SENP2: variants seen among roughly 807,000 people sequenced by gnomAD.
The protein encoded by SENP2 is SUMO specific peptidase 2.
In SENP2, 16 loss-of-function variants were observed where a neutral mutation model predicts 86.3. The observed-to-expected ratio is 0.19, with a 90% CI of 0.13 to 0.28. SENP2 has a LOEUF of 0.28. Ranked by LOEUF, SENP2 falls within the 10% of genes least tolerant of loss-of-function variation. The pLI, the probability that SENP2 is intolerant of heterozygous loss-of-function variation, is 1.00. For missense variants in SENP2, 552 were observed against 703.0 expected (o/e 0.79, Z 2.43); for synonymous variants, 222 against 238.7 (o/e 0.93, Z 0.64).
At chr3:185,601,574 C>G (rs951716982) in intron 5 of SENP2, among the ~76,000 whole-genome samples, 1 of 151,218 alleles carries the variant, frequency 6.6e-6, no homozygotes, top group Non-Finnish European at 1.5e-5. Flanking sequence ...ATTTTTATTG[C>G]TTGGACATTA....
chr3:185,626,385 T>C lies in SENP2; in HGVS notation c.1699T>C (p.Phe567Leu), dbSNP rs1347719310. ...DYISRDKPIT[F>L]TQHQMPLFRK... ...TATTTCTAGGGACAAACCTATCACA[T>C]TTACTCAGGTGAGTGAAGACCCTCT... Residue 567 changes from phenylalanine to leucine, a missense_variant, in exon 16 of 17, where the codon TTT becomes CTT. This residue lies in a region of SENP2 where 169 missense variants were observed against 275.7 expected (regional missense o/e 0.61). Coordinates refer to ENST00000296257, the MANE Select transcript of SENP2 (RefSeq NM_021627.3). 6.2e-7 allele frequency: 1 copy of C among 1,602,752 alleles called. No homozygotes were observed. The highest frequency in any genetic ancestry group is 8.5e-7 in the Non-Finnish European group (1 of 1,170,208).
chr3:185,592,365 T>C (rs1043317852), intron 2 of SENP2, among the ~76,000 whole-genome samples: 2 of 152,076 alleles, frequency 1.3e-5, no homozygotes, highest in African/African-American at 2.4e-5. Flanking sequence ...GTCTTTTACT[T>C]CAGTATATCT....
In SENP2 at chr3:185,617,627, TC is replaced by T; in HGVS notation, c.1242+21del. 1 of 1,605,774 alleles carries T rather than the reference TC, an allele frequency of 6.2e-7. No homozygotes were observed. Among genetic ancestry groups the T allele is most frequent in the Middle Eastern group, 1.7e-4 (1 of 6,032 alleles). On this transcript the variant is annotated intron_variant, in intron 12 of 16. Transcript: ENST00000296257. ...CAATGATGAAGTAAGTTGTATTCCC[TC>T]CCCCTTTTGGCTATCATTAAGTTTA...
At position 185,600,775 on chromosome 3, in the gene SENP2, T is replaced by C. The variant is rs1320077416; in HGVS notation, c.369T>C (p.Ser123=). The C allele has an allele frequency of 1.9e-6, 3 of 1,597,752 alleles. No individual in the cohort carries two copies. Among genetic ancestry groups the C allele is most frequent in the Non-Finnish European group, 2.6e-6 (3 of 1,165,808 alleles). ...GCATTTTTTAAATAGGTAATAAATC[T>C]CCTAATGGAATAAGTGACTATCCAA... is the stretch of plus-strand genomic sequence containing the variant. ...WNNMLKLGNK[S]PNGISDYPKI... is the part of the protein sequence containing the mutation. Residue 123 remains serine (S), a synonymous_variant, in exon 5 of 17, where the codon TCT becomes TCC. Coordinates refer to ENST00000296257, the MANE Select transcript of SENP2 (RefSeq NM_021627.3).
At chr3:185,592,702 C>G (rs746831917) in intron 2 of SENP2, among the ~76,000 whole-genome samples, 5 of 151,714 alleles carry the variant, frequency 3.3e-5, no homozygotes, top group Admixed American at 6.6e-5. Context: ...CTGCAACCTC[C>G]GCCTCCCAGG....
intron 12 of SENP2, among the ~76,000 whole-genome samples, chr3:185,619,065 G>T (rs1158121340): frequency 6.6e-6 from 1 of 152,094 alleles, no homozygotes; most frequent in Non-Finnish European, 1.5e-5. Flanking sequence ...TTTCTTCCTG[G>T]ATTCCTTCTT....
At position 185,624,026 on chromosome 3, in the gene SENP2, A is replaced by C; in HGVS notation, c.1555A>C (p.Lys519Gln). Reference sequence around the variant, plus strand: ...GTATTTACAGGATGAAAGTAAGACCAAAAGAAATAGTGATCTGAATCTTTT... The same window carrying C: ...GTATTTACAGGATGAAAGTAAGACCCAAAGAAATAGTGATCTGAATCTTTT... ...LQYLQDESKT[K>Q]RNSDLNLLEW... is the part of the protein sequence containing the mutation. The change falls in exon 15 of 17, where the codon AAA becomes CAA. Residue 519 changes from lysine to glutamine, a missense_variant. Lys to Gln is a moderately conservative substitution (Grantham distance 53). Coordinates refer to ENST00000296257, the MANE Select transcript of SENP2 (RefSeq NM_021627.3). 1 of 1,612,638 alleles carries C rather than the reference A, an allele frequency of 6.2e-7. No individual in the cohort carries two copies. Among genetic ancestry groups the C allele is most frequent in the Non-Finnish European group, 8.5e-7 (1 of 1,179,180 alleles).
intron 8 of SENP2, 147 bp downstream of exon 8, chr3:185,611,892 T>G: frequency 1.6e-6 from 1 of 613,924 alleles, no homozygotes; most frequent in Non-Finnish European, 2.8e-6. Context: ...CGCGGTGGCT[T>G]ACGCCTGCAA....
chr3:185,597,533 C>T (rs922380577), intron 2 of SENP2, among the ~76,000 whole-genome samples: 1 of 149,740 alleles, frequency 6.7e-6, no homozygotes, highest in Non-Finnish European at 1.5e-5. Flanking sequence ...TTTGTATTTT[C>T]AGTAGGGACG....
At chr3:185,612,509 G>A in intron 8 of SENP2, 98 bp from the exon 9 acceptor site, 2 of 798,036 alleles carry the variant, frequency 2.5e-6, no homozygotes, top group Non-Finnish European at 4.1e-6. Context: ...CAATGTAGAG[G>A]AATGTCTTGA....
At chr3:185,615,069 T>G (rs1711549516) in intron 11 of SENP2, among the ~76,000 whole-genome samples, 1 of 152,142 alleles carries the variant, frequency 6.6e-6, no homozygotes, top group Non-Finnish European at 1.5e-5. Context: ...AATAAGTTCA[T>G]TGCATTTTTT....
At position 185,625,391 on chromosome 3, in the gene SENP2, G is replaced by A. The variant is rs550876005; in HGVS notation, c.1612-907G>A. Among the ~76,000 whole-genome samples, 14 of 152,266 alleles carry A rather than the reference G, an allele frequency of 9.2e-5. No individual in the cohort carries two copies. The South Asian group carries it at 2.3e-3, about 25-fold the overall frequency. On this transcript the variant is annotated intron_variant, in intron 15 of 16. Transcript: ENST00000296257. ...CTCCCAAAGTGCTGGGATTACAGGC[G>A]TGAGCCACCGTACCCGGCCACTAGG...
In SENP2 at chr3:185,630,162, ATTGT is replaced by A. The variant is rs1712350261; in HGVS notation, c.*325_*328del. 1 of 258,296 alleles carries A rather than the reference ATTGT, an allele frequency of 3.9e-6. No homozygotes were observed. Among genetic ancestry groups the A allele is most frequent in the East Asian group, 6.5e-5 (1 of 15,270 alleles). The allele number at this position is 258,296 out of a possible 1,614,324, so 16.0% of individuals were successfully genotyped here. ...GGGAAATGCAGGATTTATTCTGTGA[ATTGT>A]TTGTTTCTGTGTGTTTGTTCAGCGT... is the stretch of plus-strand genomic sequence containing the variant. On this transcript the variant is annotated 3_prime_UTR_variant, in exon 17 of 17. Transcript: ENST00000296257.
intron 7 of SENP2, among the ~76,000 whole-genome samples, chr3:185,610,363 TG>T (rs903520695): frequency 2.0e-5 from 3 of 152,042 alleles, no homozygotes; most frequent in East Asian, 1.9e-4. Flanking sequence ...GGCTTCACCA[TG>T]TTGGCCAGGC....
Position 185,632,886 on chromosome 3 carries a change from C to T in SENP2, c.*3042C>T, listed in dbSNP as rs1469071787. On this transcript the variant is annotated 3_prime_UTR_variant, in exon 17 of 17. Coordinates refer to ENST00000296257, the MANE Select transcript of SENP2 (RefSeq NM_021627.3). ...AAAAGATGCAGTGAGCCATTATTCT[C>T]CTTTAGCAGGTAGTCTCTTAAAAAT... is the stretch of plus-strand genomic sequence containing the variant. 1 of 152,220 alleles carries T rather than the reference C, an allele frequency of 6.6e-6. No homozygotes were observed. The highest frequency in any genetic ancestry group is 1.5e-5 in the Non-Finnish European group (1 of 68,052). 9.4% of individuals were successfully genotyped at this position (152,220 alleles called of 1,614,324 possible). A position where few individuals can be genotyped will look rare whatever the true frequency, so the allele number is the denominator to read the frequency against.
In SENP2 at chr3:185,586,461, C is replaced by T. The variant is rs780625324; in HGVS notation, c.48C>T (p.Cys16=). The change falls in exon 1 of 17, where the codon TGC becomes TGT. Residue 16 remains cysteine, a synonymous_variant. Transcript: ENST00000296257. The surrounding 1 kb of genome is among the most constrained non-coding windows in gnomAD (Gnocchi z 4.3). ...VRILGTIFRF[C]DRSVPPARAL... is the part of the protein sequence containing the mutation. ...TTCTCGGCACCATTTTCCGTTTCTG[C>T]GACCGGTCGGTGCCCCCTGCCCGGG... 3.7e-6 allele frequency: 6 copies of T among 1,613,962 alleles called. No individual in the cohort carries two copies. Among genetic ancestry groups the T allele is most frequent in the Non-Finnish European group, 1.7e-6 (2 of 1,179,992 alleles).
At chr3:185,612,032 C>G (rs1722717772) in intron 8 of SENP2, among the ~76,000 whole-genome samples, 1 of 152,094 alleles carries the variant, frequency 6.6e-6, no homozygotes, top group Non-Finnish European at 1.5e-5. Context: ...TGGCACTTGC[C>G]TGTAATCCCA....
At position 185,609,340 on chromosome 3, in the gene SENP2, A is replaced by C. The variant is rs79193891; in HGVS notation, c.712A>C (p.Asn238His). Residue 238 changes from asparagine (N) to histidine (H), a missense_variant, in exon 7 of 17, where the codon AAT (asparagine) becomes CAT (histidine). Physicochemically the swap from Asn to His is moderately conservative, Grantham distance 68. Transcript: ENST00000296257. The stretch of plus-strand genomic sequence containing the variant: ...AAACTCTGTCTGTCCTGTAACTTCA[A>C]ATTATCACAGGTGACAGTGAGCTAA... ...HGNSVCPVTS[N>H]YHSSQRSQMD... 3.1e-6 allele frequency: 5 copies of C among 1,609,780 alleles called. No homozygotes were observed. Among genetic ancestry groups the C allele is most frequent in the Non-Finnish European group, 4.3e-6 (5 of 1,176,298 alleles).
chr3:185,616,025 G>T (rs1711588384), intron 11 of SENP2, among the ~76,000 whole-genome samples: 1 of 151,578 alleles, frequency 6.6e-6, no homozygotes, highest in Non-Finnish European at 1.5e-5. Flanking sequence ...ACCACGCCCA[G>T]CTAATTTTTG....
Sources: allele counts gnomAD v4.1 joint callset (sites outside exome capture counted in the v4.1 genomes callset), GRCh38; gene constraint gnomAD v4.1.1; regional missense constraint gnomAD v4.1.1; non-coding constraint Gnocchi (gnomAD v3.1); transcripts MANE v1.5; gene names NCBI Gene and HGNC (gene_info 2026-07-23, HGNC 2026-07-21).